The following NDP variants were observed in gnomAD, a reference collection of about 807,000 sequenced individuals.
The protein encoded by NDP is norrin cystine knot growth factor NDP, also known as norrin.
NDP carries 2 observed loss-of-function variants against 8.4 expected under a neutral mutation model. The ratio of observed to expected loss-of-function variants is 0.24; its 90% confidence interval spans 0.10 to 0.75. NDP has a LOEUF of 0.75. NDP is among the 30% of genes least tolerant of loss of function. NDP has a pLI of 0.73. For missense variants in NDP, 81 were observed against 110.1 expected (o/e 0.74, Z 1.18); for synonymous variants, 55 against 45.6 (o/e 1.21, Z -0.83).
chrX:43,956,293 T>C (rs1190529649), intron 2 of NDP, among the ~76,000 whole-genome samples: 2 of 111,893 alleles, frequency 1.8e-5, no homozygotes, highest in African/African-American at 6.5e-5. Flanking sequence ...GCATTAACAA[T>C]TGGCAGGCAA....
intron 1 of NDP, among the ~76,000 whole-genome samples, chrX:43,965,627 T>C (rs1352439207): frequency 9.0e-6 from 1 of 111,323 alleles, no homozygotes; most frequent in Non-Finnish European, 1.9e-5. Flanking sequence ...ATAATGACAA[T>C]ATAGGCTGAG....
intron 1 of NDP, among the ~76,000 whole-genome samples, chrX:43,960,230 G>A (rs973169048): frequency 1.8e-5 from 2 of 111,715 alleles, no homozygotes; most frequent in African/African-American, 6.5e-5. Context: ...TTGAGTCCTG[G>A]CACTGCCATT....
chrX:43,961,507 A>T (rs1237189436), intron 1 of NDP, among the ~76,000 whole-genome samples: 1 of 112,379 alleles, frequency 8.9e-6, no homozygotes, highest in East Asian at 2.8e-4. Flanking sequence ...GGAGAGAGAT[A>T]AAAACACATA....
At position 43,950,213 on chromosome X, in the gene NDP, C is replaced by T. The variant is rs1433345524; in HGVS notation, c.175-187G>A. The stretch of plus-strand genomic sequence containing the variant: ...CATTCAGATCGATTGAATTAAAATC[C>T]TTGGAGATAGGGACCAGGCTTTCAT... On this transcript the variant is annotated intron_variant, in intron 2 of 2. Coordinates refer to ENST00000642620, the MANE Select transcript of NDP (RefSeq NM_000266.4). The T allele has an allele frequency of 3.3e-5, 15 of 457,789 alleles. No homozygotes were observed. The African/African-American group carries it at 3.7e-4, about 11-fold the overall frequency. The allele number at this position is 457,789 out of a possible 1,213,427, so 37.7% of individuals were successfully genotyped here. A position where few individuals can be genotyped will look rare whatever the true frequency, so the allele number is the denominator to read the frequency against.
At chrX:43,969,062 T>C (rs1261892187) in intron 1 of NDP, among the ~76,000 whole-genome samples, 1 of 111,765 alleles carries the variant, frequency 8.9e-6, no homozygotes, top group Admixed American at 9.5e-5. Flanking sequence ...CAGGGAGGTT[T>C]ACATTGAGGC....
At chrX:43,951,342 G>T (rs189454040) in intron 2 of NDP, among the ~76,000 whole-genome samples, 2 of 110,677 alleles carry the variant, frequency 1.8e-5, no homozygotes, top group Admixed American at 1.9e-4. Context: ...TTGAACCCAG[G>T]AATTAGAGGC....
Position 43,949,031 on chromosome X carries a change from C to T in NDP, c.*768G>A, listed in dbSNP as rs1395381115. ...TGGTGCATTCTCCATGCCACTAGTA[C>T]ATATATGCCTTTTCCAGAGTCAGTG... is the stretch of plus-strand genomic sequence containing the variant. On this transcript the variant is annotated 3_prime_UTR_variant, in exon 3 of 3. Transcript: ENST00000642620. 1.8e-5 allele frequency: 2 copies of T among 112,272 alleles called. No individual in the cohort carries two copies. The highest frequency in any genetic ancestry group is 3.7e-5 in the Non-Finnish European group (2 of 53,496). 9.3% of individuals were successfully genotyped at this position (112,272 alleles called of 1,213,427 possible).
chrX:43,951,572 T>C lies in NDP; in HGVS notation c.175-1546A>G, dbSNP rs2035762480. On this transcript the variant is annotated intron_variant, in intron 2 of 2. Transcript: ENST00000642620. ...TTACAATATTGTAGGAATTCGCAGT[T>C]ATTATTAAAGACTCACCAGCTATTA... 2.7e-5 allele frequency among the ~76,000 whole-genome samples: 3 copies of C among 112,308 alleles called. No individual in the cohort carries two copies. In the South Asian group the frequency reaches 1.1e-3, roughly 42 times the overall value.
intron 2 of NDP, among the ~76,000 whole-genome samples, chrX:43,953,639 A>G (rs1205961307): frequency 3.6e-5 from 4 of 110,565 alleles, no homozygotes; most frequent in Non-Finnish European, 7.7e-5. Context: ...ACAACCCTAC[A>G]AGAAAGTACT....
chrX:43,957,689 C>A (rs1188380725), intron 2 of NDP, among the ~76,000 whole-genome samples: 2 of 108,326 alleles, frequency 1.8e-5, no homozygotes, highest in African/African-American at 6.8e-5. Context: ...CATCTCAAAA[C>A]TAAATGTAAA....
intron 2 of NDP, among the ~76,000 whole-genome samples, chrX:43,956,463 A>G (rs1340564132): frequency 2.7e-5 from 3 of 111,980 alleles, no homozygotes; most frequent in Non-Finnish European, 5.6e-5. Context: ...TGTTTTATCC[A>G]AGTCTCTAAA....
chrX:43,952,206 A>G (rs984215108), intron 2 of NDP, among the ~76,000 whole-genome samples: 3 of 111,494 alleles, frequency 2.7e-5, no homozygotes, highest in African/African-American at 9.8e-5. Context: ...TACACAGGCT[A>G]GTCCCTAATT....
chrX:43,970,924 G>A (rs1017986556), intron 1 of NDP, among the ~76,000 whole-genome samples: 1 of 111,884 alleles, frequency 8.9e-6, no homozygotes. Context: ...AGATCTAGCC[G>A]TGTTAGCTGT....
intron 2 of NDP, among the ~76,000 whole-genome samples, chrX:43,952,236 TGA>T (rs947810852): frequency 2.7e-5 from 3 of 111,439 alleles, no homozygotes; most frequent in Non-Finnish European, 5.7e-5. Context: ...ATTTCTCTAA[TGA>T]GAGAGAGAGT....
In NDP at chrX:43,949,078, T is replaced by A. The variant is rs1256072845; in HGVS notation, c.*721A>T. 1.8e-5 allele frequency: 2 copies of A among 113,333 alleles called. No homozygotes were observed. Among genetic ancestry groups the A allele is most frequent in the Non-Finnish European group, 3.7e-5 (2 of 54,066 alleles). The allele number at this position is 113,333 out of a possible 1,213,427, so 9.3% of individuals were successfully genotyped here. On this transcript the variant is annotated 3_prime_UTR_variant, in exon 3 of 3. Coordinates refer to ENST00000642620, the MANE Select transcript of NDP (RefSeq NM_000266.4). ...AGTGCAGGATCCGTATTTGTGCAAG[T>A]CTTTAAAAGTCTGCTCCCTTACAAA...
chrX:43,957,123 G>T, intron 2 of NDP, among the ~76,000 whole-genome samples: 1 of 111,790 alleles, frequency 8.9e-6, no homozygotes, highest in Middle Eastern at 4.6e-3. Flanking sequence ...AATTATCCAT[G>T]GAATAAAATC....
At chrX:43,967,552 G>A (rs1458131618) in intron 1 of NDP, among the ~76,000 whole-genome samples, 1 of 111,234 alleles carries the variant, frequency 9.0e-6, no homozygotes, top group African/African-American at 3.3e-5. Flanking sequence ...AGGGAGAGTG[G>A]GTGAAATAAA....
At chrX:43,953,127 AACACAC>A (rs58114928) in intron 2 of NDP, among the ~76,000 whole-genome samples, 4 of 98,236 alleles carry the variant, frequency 4.1e-5, no homozygotes, top group Non-Finnish European at 8.1e-5. Flanking sequence ...TGATGTTCTC[AACACAC>A]ACACACACAC....
At chrX:43,961,830 C>G (rs1231689309) in intron 1 of NDP, among the ~76,000 whole-genome samples, 1 of 111,360 alleles carries the variant, frequency 9.0e-6, no homozygotes, top group Non-Finnish European at 1.9e-5. Context: ...TAGTCAAATA[C>G]TCTTCCAGGG....
Sources: allele counts gnomAD v4.1 joint callset (sites outside exome capture counted in the v4.1 genomes callset), GRCh38; gene constraint gnomAD v4.1.1; transcripts MANE v1.5; gene names NCBI Gene and HGNC (gene_info 2026-07-23, HGNC 2026-07-21).